DOK5: variants seen among roughly 807,000 people sequenced by gnomAD.
The protein encoded by DOK5 is docking protein 5, also known as downstream of tyrosine kinase 5.
A neutral mutation model predicts 43.3 loss-of-function variants in DOK5; 27 were observed. The observed-to-expected ratio is 0.62, with a 90% CI of 0.46 to 0.86. The LOEUF is 0.86. Ranked by LOEUF, DOK5 falls within the 40% of genes least tolerant of loss-of-function variation. The pLI is 0.00. For synonymous variants in DOK5, 146 were observed against 140.1 expected (o/e 1.04, Z -0.30); for missense variants, 373 against 392.9 (o/e 0.95, Z 0.43).
intron 1 of DOK5, among the ~76,000 whole-genome samples, chr20:54,493,012 G>A (rs1240168639): frequency 7.3e-6 from 1 of 136,546 alleles, no homozygotes; most frequent in Non-Finnish European, 1.5e-5. Context: ...CTGAGACTGA[G>A]CCACTGCACT....
At chr20:54,582,003 C>T (rs536443698) in intron 2 of DOK5, among the ~76,000 whole-genome samples, 10 of 151,946 alleles carry the variant, frequency 6.6e-5, no homozygotes, top group Middle Eastern at 3.4e-3. Context: ...TTTCATTTTT[C>T]ACCATTGAGT....
chr20:54,567,787 CTA>C (rs1195907191), intron 2 of DOK5, among the ~76,000 whole-genome samples: 1 of 152,106 alleles, frequency 6.6e-6, no homozygotes. Flanking sequence ...GATATCTTTT[CTA>C]TGTTAAGTCC....
In DOK5 at chr20:54,644,723, A is replaced by AAAAC. The variant is rs1555839841; in HGVS notation, c.856+1146_856+1147insAACA. Among the ~76,000 whole-genome samples, 7 of 142,404 alleles carry AAAAC rather than the reference A, an allele frequency of 4.9e-5. No homozygotes were observed. The South Asian group carries it at 6.4e-4, about 13-fold the overall frequency. The allele number at this position is 142,404 out of a possible 152,430, so 93.4% of individuals were successfully genotyped here. ...TCCGTCTCAAAAAAAAAAAAAAAAA[A>AAAAC]ACAAAATTTAGCTGGGCGTGGTGGC... On this transcript the variant is annotated intron_variant, in intron 7 of 7. Coordinates refer to ENST00000262593, the MANE Select transcript of DOK5 (RefSeq NM_018431.5).
chr20:54,568,704 G>C (rs1985174712), intron 2 of DOK5, among the ~76,000 whole-genome samples: 1 of 152,128 alleles, frequency 6.6e-6, no homozygotes, highest in Non-Finnish European at 1.5e-5. Context: ...GCTGAGGCTG[G>C]TGGATCACGA....
At chr20:54,577,424 T>C (rs1985487467) in intron 2 of DOK5, among the ~76,000 whole-genome samples, 1 of 152,174 alleles carries the variant, frequency 6.6e-6, no homozygotes, top group Non-Finnish European at 1.5e-5. Context: ...TAGATTTCCT[T>C]TGAAAATTAA....
At chr20:54,597,516 C>G (rs117941711) in intron 5 of DOK5, among the ~76,000 whole-genome samples, 2 of 152,306 alleles carry the variant, frequency 1.3e-5, no homozygotes, top group East Asian at 3.9e-4. Flanking sequence ...CTCATTACCT[C>G]ATTTGAGCTA....
At chr20:54,510,264 G>A (rs61069893) in intron 1 of DOK5, among the ~76,000 whole-genome samples, 6,898 of 152,076 alleles carry the variant, frequency 0.045, 168 homozygotes, top group Middle Eastern at 0.061. Context: ...CCCTAGAAGG[G>A]GCTGTTTATC....
intron 7 of DOK5, among the ~76,000 whole-genome samples, chr20:54,643,984 T>A (rs1414723070): frequency 2.6e-5 from 4 of 152,086 alleles, no homozygotes; most frequent in African/African-American, 7.2e-5. Flanking sequence ...TTACTTGAAG[T>A]CTTGCTAGAA....
intron 1 of DOK5, among the ~76,000 whole-genome samples, chr20:54,552,190 C>G (rs1984552234): frequency 6.6e-6 from 1 of 152,140 alleles, no homozygotes; most frequent in Non-Finnish European, 1.5e-5. Flanking sequence ...AATCTATTCT[C>G]ACGATCCAGA....
chr20:54,497,944 G>A (rs537248824), intron 1 of DOK5, among the ~76,000 whole-genome samples: 1 of 152,246 alleles, frequency 6.6e-6, no homozygotes, highest in South Asian at 2.1e-4. Context: ...TGGTTGGAAG[G>A]TGATTTCTTT....
In DOK5 at chr20:54,643,471, T is replaced by C. The variant is rs1979222474; in HGVS notation, c.749T>C (p.Met250Thr). Residue 250 changes from methionine to threonine, a missense_variant, in exon 7 of 8, where the codon ATG (methionine) becomes ACG (threonine). Physicochemically the swap from Met to Thr is moderately conservative, Grantham distance 81. Coordinates refer to ENST00000262593, the MANE Select transcript of DOK5 (RefSeq NM_018431.5). Reference protein sequence around the residue: ...SVKNSMLQMKMSERAASLSTM... With the variant: ...SVKNSMLQMKTSERAASLSTM... Reference sequence around the variant, plus strand: ...CTTTGGCTGCAGCTCCAGATGAAGATGAGTGAGCGGGCCGCCTCGCTGAGC... The same window carrying C: ...CTTTGGCTGCAGCTCCAGATGAAGACGAGTGAGCGGGCCGCCTCGCTGAGC... The C allele has an allele frequency of 1.2e-6, 2 of 1,613,636 alleles. No individual in the cohort carries two copies. The highest frequency in any genetic ancestry group is 1.7e-6 in the Non-Finnish European group (2 of 1,180,032).
chr20:54,582,472 A>G (rs1241705307), intron 2 of DOK5, among the ~76,000 whole-genome samples: 1 of 151,396 alleles, frequency 6.6e-6, no homozygotes, highest in African/African-American at 2.4e-5. Context: ...ATACACCAAC[A>G]TTTCTTCCAA....
At chr20:54,639,014 T>C (rs1978984078) in intron 6 of DOK5, among the ~76,000 whole-genome samples, 1 of 152,140 alleles carries the variant, frequency 6.6e-6, no homozygotes, top group Non-Finnish European at 1.5e-5. Context: ...AGCTCAGATG[T>C]ATTTGAAAAA....
chr20:54,623,178 C>T (rs779843003), intron 6 of DOK5, among the ~76,000 whole-genome samples: 6 of 152,174 alleles, frequency 3.9e-5, no homozygotes, highest in Non-Finnish European at 8.8e-5. Flanking sequence ...TCATTTCTGG[C>T]TGTCAACAAT....
chr20:54,523,002 T>A (rs1176074143), intron 1 of DOK5, among the ~76,000 whole-genome samples: 1 of 152,206 alleles, frequency 6.6e-6, no homozygotes, highest in African/African-American at 2.4e-5. Flanking sequence ...AATGTAATCC[T>A]TCTAAGCCTA....
chr20:54,616,810 A>G (rs1242299436), intron 6 of DOK5, among the ~76,000 whole-genome samples: 20 of 135,750 alleles, frequency 1.5e-4, no homozygotes, highest in African/African-American at 5.9e-4. Flanking sequence ...TGTGTAGAGA[A>G]GGAGTCTCAC....
intron 2 of DOK5, among the ~76,000 whole-genome samples, chr20:54,556,848 T>C (rs575477183): frequency 6.6e-6 from 1 of 152,366 alleles, no homozygotes; most frequent in South Asian, 2.1e-4. Flanking sequence ...CAAATATGTC[T>C]GGTTCTTCAC....
At chr20:54,636,863 G>C (rs563664600) in intron 6 of DOK5, among the ~76,000 whole-genome samples, 1 of 152,052 alleles carries the variant, frequency 6.6e-6, no homozygotes, top group East Asian at 1.9e-4. Context: ...GAAAGGTTTC[G>C]CCTCCCAAAA....
At chr20:54,571,209 T>A (rs1985270252) in intron 2 of DOK5, among the ~76,000 whole-genome samples, 1 of 152,210 alleles carries the variant, frequency 6.6e-6, no homozygotes, top group Admixed American at 6.5e-5. Context: ...CTTAAATATC[T>A]CCCTGCTTTT....
Sources: allele counts gnomAD v4.1 joint callset (sites outside exome capture counted in the v4.1 genomes callset), GRCh38; gene constraint gnomAD v4.1.1; transcripts MANE v1.5; gene names NCBI Gene and HGNC (gene_info 2026-07-23, HGNC 2026-07-21).